The following MTCL2 variants were observed in gnomAD, a reference collection of about 807,000 sequenced individuals.
MTCL2 encodes microtubule cross-linking factor 2.
the MTCL2 span, among the ~76,000 whole-genome samples, chr20:36,831,630 C>T: frequency 6.6e-6 from 1 of 152,170 alleles, no homozygotes; most frequent in Non-Finnish European, 1.5e-5. Context: ...CTCTCCCTCC[C>T]TGCACTGCCA....
the MTCL2 span, chr20:36,779,548 T>TGG: frequency 6.6e-6 from 1 of 152,012 alleles, no homozygotes; most frequent in African/African-American, 2.4e-5. Context: ...GGGGGGTTGC[T>TGG]GGGGCAGGGT....
the MTCL2 span, among the ~76,000 whole-genome samples, chr20:36,851,175 T>C: frequency 1.3e-5 from 2 of 151,118 alleles, no homozygotes; most frequent in Non-Finnish European, 3.0e-5. Flanking sequence ...ATTGTATGTA[T>C]TTGTATAATA....
the MTCL2 span, among the ~76,000 whole-genome samples, chr20:36,810,773 C>G: frequency 7.2e-6 from 1 of 138,374 alleles, no homozygotes. Flanking sequence ...GTTTCGCCAG[C>G]TTTGAGCGTG....
At chr20:36,786,243 T>G in the MTCL2 span, 3 of 1,176,326 alleles carry the variant, frequency 2.6e-6, no homozygotes, top group Non-Finnish European at 3.2e-6. Context: ...AAGCCCAGGT[T>G]TGGTCTCTCT....
the MTCL2 span, among the ~76,000 whole-genome samples, chr20:36,812,150 T>A: frequency 6.6e-6 from 1 of 152,128 alleles, no homozygotes; most frequent in Non-Finnish European, 1.5e-5. Flanking sequence ...GTCCCCTGAG[T>A]CCCAGAGATG....
At chr20:36,828,115 G>A in the MTCL2 span, among the ~76,000 whole-genome samples, 5 of 152,238 alleles carry the variant, frequency 3.3e-5, no homozygotes, top group East Asian at 9.6e-4. Flanking sequence ...AGCGAGGAGT[G>A]TGCCCTAGAA....
chr20:36,792,032 C>G, the MTCL2 span, among the ~76,000 whole-genome samples: 16 of 152,280 alleles, frequency 1.1e-4, no homozygotes, highest in East Asian at 2.9e-3. Context: ...GAAAGATTCT[C>G]AGAGGAAATG....
chr20:36,815,761 T>A, the MTCL2 span: 1 of 1,590,672 alleles, frequency 6.3e-7, no homozygotes, highest in Admixed American at 1.8e-5. This position sits in a 1 kb window ranked among gnomAD's most constrained non-coding sequence, Gnocchi z 5.3. Context: ...ACAGAACAAC[T>A]GTCCTCCGAC....
chr20:36,804,982 G>A, the MTCL2 span: 2 of 1,521,002 alleles, frequency 1.3e-6, no homozygotes, highest in Non-Finnish European at 1.8e-6. Context: ...ACTCACCTAG[G>A]AGTCCAGCTT....
chr20:36,850,249 C>T, the MTCL2 span, among the ~76,000 whole-genome samples: 20 of 152,186 alleles, frequency 1.3e-4, no homozygotes, highest in African/African-American at 4.1e-4. Context: ...CCACCTCCAG[C>T]AGAGCGCAGT....
chr20:36,819,128 G>A, the MTCL2 span, among the ~76,000 whole-genome samples: 1 of 152,076 alleles, frequency 6.6e-6, no homozygotes, highest in African/African-American at 2.4e-5. Flanking sequence ...CCCTACAGAG[G>A]GAATTGGAGG....
At chr20:36,809,228 G>C in the MTCL2 span, among the ~76,000 whole-genome samples, 1 of 152,216 alleles carries the variant, frequency 6.6e-6, no homozygotes, top group African/African-American at 2.4e-5. Context: ...CCTGGGCAGA[G>C]CACTCCAGCT....
chr20:36,862,760 G>C, the MTCL2 span: 1 of 1,450,412 alleles, frequency 6.9e-7, no homozygotes, highest in Non-Finnish European at 9.1e-7. Flanking sequence ...AGGCAAGCGA[G>C]GCGCTGAGCG....
the MTCL2 span, among the ~76,000 whole-genome samples, chr20:36,814,100 T>C: frequency 1.3e-5 from 2 of 152,162 alleles, no homozygotes; most frequent in African/African-American, 4.8e-5. Flanking sequence ...TACGCTTCCT[T>C]CAGATTCCTC....
the MTCL2 span, chr20:36,794,890 T>C: frequency 2.1e-6 from 1 of 469,702 alleles, no homozygotes; most frequent in Non-Finnish European, 3.9e-6. The surrounding 1 kb of genome is among the most constrained non-coding windows in gnomAD (Gnocchi z 5.4). Flanking sequence ...CATTTCAGCC[T>C]CCAGAGTAGC....
At chr20:36,793,185 A>G in the MTCL2 span, 2 of 1,467,502 alleles carry the variant, frequency 1.4e-6, no homozygotes, top group Non-Finnish European at 1.8e-6. The surrounding 1 kb of genome is among the most constrained non-coding windows in gnomAD (Gnocchi z 6.8). Context: ...TAAAAACCAA[A>G]AGAGCTTGGA....
the MTCL2 span, among the ~76,000 whole-genome samples, chr20:36,826,252 G>A: frequency 1.2e-4 from 17 of 146,876 alleles, no homozygotes; most frequent in South Asian, 3.1e-3. Flanking sequence ...CTCATGATCC[G>A]CCTGCCTTGG....
the MTCL2 span, chr20:36,794,386 G>A: frequency 2.4e-5 from 38 of 1,613,208 alleles, 1 homozygote; most frequent in South Asian, 3.0e-4. This position sits in a 1 kb window ranked among gnomAD's most constrained non-coding sequence, Gnocchi z 5.4. Flanking sequence ...TCCCTGGGGG[G>A]TCCTGGCAGG....
At chr20:36,789,295 C>T in the MTCL2 span, among the ~76,000 whole-genome samples, 1 of 152,060 alleles carries the variant, frequency 6.6e-6, no homozygotes, top group Non-Finnish European at 1.5e-5. Context: ...TATGACTGGG[C>T]CACAGGTGCC....
Sources: allele counts gnomAD v4.1 joint callset (sites outside exome capture counted in the v4.1 genomes callset), GRCh38; gene constraint gnomAD v4.1.1; non-coding constraint Gnocchi (gnomAD v3.1); transcripts MANE v1.5; gene names NCBI Gene and HGNC (gene_info 2026-07-23, HGNC 2026-07-21).